KCNIP1: variants seen among roughly 807,000 people sequenced by gnomAD.
KCNIP1 encodes the protein potassium voltage-gated channel interacting protein 1, also known as A-type potassium channel modulatory protein KCNIP1.
Under a neutral mutation model 33.0 loss-of-function variants are expected in KCNIP1, and 18 were observed. The ratio of observed to expected loss-of-function variants is 0.55; its 90% confidence interval spans 0.38 to 0.81. KCNIP1 has a LOEUF of 0.81. Ranked by LOEUF, KCNIP1 falls within the 30% of genes least tolerant of loss-of-function variation. The probability of loss-of-function intolerance (pLI) is 0.00; values close to 1 mark genes in which losing one functional copy is unlikely to be tolerated. For synonymous variants in KCNIP1, 93 were observed against 98.3 expected (o/e 0.95, Z 0.32); for missense variants, 238 against 271.6 (o/e 0.88, Z 0.87).
At chr5:170,600,331 C>A (rs1758645057) in intron 1 of KCNIP1, among the ~76,000 whole-genome samples, 1 of 152,210 alleles carries the variant, frequency 6.6e-6, no homozygotes, top group African/African-American at 2.4e-5. Context: ...ACACATCATG[C>A]TGTATTTAGC....
At chr5:170,582,606 G>T (rs1010782211) in intron 1 of KCNIP1, among the ~76,000 whole-genome samples, 3 of 152,206 alleles carry the variant, frequency 2.0e-5, no homozygotes, top group Admixed American at 1.3e-4. Flanking sequence ...GTCTGAGGCA[G>T]ATTTTTGGAG....
At chr5:170,617,933 C>G (rs1189362445) in intron 1 of KCNIP1, among the ~76,000 whole-genome samples, 1 of 152,162 alleles carries the variant, frequency 6.6e-6, no homozygotes, top group Non-Finnish European at 1.5e-5. Flanking sequence ...GAGAGAATTA[C>G]AACCGGAGAT....
intron 1 of KCNIP1, among the ~76,000 whole-genome samples, chr5:170,544,574 C>T (rs2113391071): frequency 6.6e-6 from 1 of 152,004 alleles, no homozygotes; most frequent in East Asian, 1.9e-4. Flanking sequence ...TTTTTAGCAC[C>T]TTCCTATTTG....
chr5:170,394,200 C>T (rs1754692538), intron 1 of KCNIP1, among the ~76,000 whole-genome samples: 1 of 152,226 alleles, frequency 6.6e-6, no homozygotes, highest in Admixed American at 6.5e-5. Flanking sequence ...CTTCCCTCGC[C>T]CCCAGCCCCT....
intron 1 of KCNIP1, among the ~76,000 whole-genome samples, chr5:170,618,879 G>A (rs1423441907): frequency 2.0e-5 from 3 of 152,228 alleles, no homozygotes; most frequent in South Asian, 4.1e-4. Context: ...CTAATAGAAG[G>A]TATAGAGAAG....
intron 6 of KCNIP1, 142 bp from the exon 7 acceptor site, chr5:170,733,694 C>A (rs1334784548): frequency 6.1e-6 from 4 of 655,748 alleles, no homozygotes; most frequent in Non-Finnish European, 1.1e-5. Context: ...AGACAACTCT[C>A]ATTCTCAGGG....
At chr5:170,378,902 T>A (rs781238439) in intron 1 of KCNIP1, 1 of 1,614,238 alleles carries the variant, frequency 6.2e-7, no homozygotes, top group South Asian at 1.1e-5. Context: ...GCTCTTGGAA[T>A]TTGGCTCTGA....
At chr5:170,624,464 A>G (rs1292150690) in intron 1 of KCNIP1, among the ~76,000 whole-genome samples, 1 of 152,040 alleles carries the variant, frequency 6.6e-6, no homozygotes, top group African/African-American at 2.4e-5. Context: ...CTTTAACTGT[A>G]TTCTCTCGTT....
chr5:170,380,880 A>G (rs898134936), intron 1 of KCNIP1, among the ~76,000 whole-genome samples: 24 of 152,208 alleles, frequency 1.6e-4, no homozygotes, highest in Non-Finnish European at 3.4e-4. Context: ...TGGGTTTGTG[A>G]GGCTACCTGC....
chr5:170,547,820 T>C (rs1263605341), intron 1 of KCNIP1, among the ~76,000 whole-genome samples: 2 of 152,230 alleles, frequency 1.3e-5, no homozygotes, highest in Non-Finnish European at 2.9e-5. Flanking sequence ...TGAATAGTGC[T>C]ACAATGAACA....
chr5:170,481,867 G>T (rs961171898), intron 1 of KCNIP1, among the ~76,000 whole-genome samples: 41 of 152,308 alleles, frequency 2.7e-4, no homozygotes, highest in Non-Finnish European at 5.4e-4. Context: ...TCCATGGTGG[G>T]TTTTTCCCTG....
chr5:170,540,910 T>C (rs1172190997), intron 1 of KCNIP1, among the ~76,000 whole-genome samples: 1 of 152,210 alleles, frequency 6.6e-6, no homozygotes, highest in Non-Finnish European at 1.5e-5. Context: ...GATCTAAGGC[T>C]GCCCAGTGTG....
At chr5:170,439,490 G>A (rs1312465170) in intron 1 of KCNIP1, among the ~76,000 whole-genome samples, 2 of 59,278 alleles carry the variant, frequency 3.4e-5, no homozygotes, top group Non-Finnish European at 7.7e-5. Context: ...GGACGGGGGC[G>A]GGGGGGTGCG....
At chr5:170,593,177 G>A (rs766989402) in intron 1 of KCNIP1, among the ~76,000 whole-genome samples, 8 of 152,196 alleles carry the variant, frequency 5.3e-5, no homozygotes, top group Non-Finnish European at 8.8e-5. Context: ...TTAAAAGAGC[G>A]TGTACGCGAG....
At chr5:170,425,065 C>T (rs1755582335) in intron 1 of KCNIP1, among the ~76,000 whole-genome samples, 1 of 152,170 alleles carries the variant, frequency 6.6e-6, no homozygotes, top group Admixed American at 6.5e-5. Flanking sequence ...TCCCTGTACC[C>T]TGGATTGAAA....
At chr5:170,442,030 C>A (rs1282385378) in intron 1 of KCNIP1, among the ~76,000 whole-genome samples, 1 of 151,732 alleles carries the variant, frequency 6.6e-6, no homozygotes, top group Non-Finnish European at 1.5e-5. Flanking sequence ...GATACTCTAT[C>A]CAGGAAGAGG....
intron 1 of KCNIP1, chr5:170,378,741 C>T (rs1208789334): frequency 5.6e-6 from 9 of 1,613,936 alleles, no homozygotes; most frequent in Non-Finnish European, 7.6e-6. Context: ...GTACTGGTTG[C>T]TCTTCACCAT....
At chr5:170,370,478 A>G (rs1053734295) in intron 1 of KCNIP1, among the ~76,000 whole-genome samples, 1 of 152,310 alleles carries the variant, frequency 6.6e-6, no homozygotes, top group Middle Eastern at 3.4e-3. Flanking sequence ...TCTCAAAGAC[A>G]AATACAAAAA....
At chr5:170,474,830 G>A (rs1756815981) in intron 1 of KCNIP1, among the ~76,000 whole-genome samples, 1 of 152,196 alleles carries the variant, frequency 6.6e-6, no homozygotes, top group Admixed American at 6.5e-5. Flanking sequence ...AAGGTGGCAA[G>A]GACCCAAAGA....
Sources: gnomAD v4.1 joint callset for allele counts (sites outside exome capture counted in the v4.1 genomes callset) on GRCh38, gnomAD v4.1.1 for gene constraint, MANE v1.5 for transcripts, NCBI Gene and HGNC (gene_info 2026-07-23, HGNC 2026-07-21) for gene names.